Variants in CCNY observed in about 807,000 individuals in gnomAD.
The protein encoded by CCNY is cyclin-Y.
Under a neutral mutation model 42.8 loss-of-function variants are expected in CCNY, and 19 were observed. The ratio of observed to expected loss-of-function variants is 0.44; its 90% CI spans 0.31 to 0.65. The LOEUF is 0.65. Among genes scored for constraint, CCNY ranks in the 30% least tolerant of loss-of-function variants. The pLI, the probability that CCNY is intolerant of heterozygous loss-of-function variation, is 0.07. For missense variants in CCNY, 370 were observed against 437.3 expected (o/e 0.85, Z 1.37); for synonymous variants, 165 against 162.7 (o/e 1.01, Z -0.11).
chr10:35,459,256 T>G (rs899441382), intron 1 of CCNY, among the ~76,000 whole-genome samples: 17 of 152,298 alleles, frequency 1.1e-4, no homozygotes, highest in Admixed American at 1.0e-3. Context: ...CGCTGCTGTC[T>G]GAGAGGCCAC....
intron 2 of CCNY, among the ~76,000 whole-genome samples, chr10:35,486,593 T>C (rs1296146548): frequency 1.3e-5 from 2 of 152,208 alleles, no homozygotes; most frequent in Non-Finnish European, 2.9e-5. Flanking sequence ...GTGAATCAGA[T>C]ACGATTGTGC....
intron 1 of CCNY, among the ~76,000 whole-genome samples, chr10:35,365,601 C>T (rs1836792459): frequency 6.6e-6 from 1 of 152,170 alleles, no homozygotes; most frequent in Admixed American, 6.5e-5. Context: ...TTGAGATTGT[C>T]ACTTCTTTCC....
At chr10:35,533,544 C>G (rs572312706) in intron 7 of CCNY, among the ~76,000 whole-genome samples, 1 of 152,278 alleles carries the variant, frequency 6.6e-6, no homozygotes, top group Admixed American at 6.5e-5. Flanking sequence ...GCACCCAGCT[C>G]CCTCTGTCCC....
At chr10:35,292,606 C>G (rs1835426068) in intron 3 of CCNY, among the ~76,000 whole-genome samples, 1 of 151,916 alleles carries the variant, frequency 6.6e-6, no homozygotes, top group African/African-American at 2.4e-5. Context: ...GGTGATCCAC[C>G]CTCCTCAGCC....
At chr10:35,275,245 T>C (rs1835224548) in intron 3 of CCNY, among the ~76,000 whole-genome samples, 1 of 151,448 alleles carries the variant, frequency 6.6e-6, no homozygotes, top group Non-Finnish European at 1.5e-5. Flanking sequence ...TTTGTGTTTT[T>C]AGTAGAGATG....
At chr10:35,551,466 A>G (rs969414553) in intron 7 of CCNY, among the ~76,000 whole-genome samples, 10 of 152,236 alleles carry the variant, frequency 6.6e-5, no homozygotes, top group Admixed American at 5.9e-4. Flanking sequence ...GTGAATAATT[A>G]TAACATTAAT....
At chr10:35,510,648 G>T (rs886839563) in intron 3 of CCNY, among the ~76,000 whole-genome samples, 2 of 152,204 alleles carry the variant, frequency 1.3e-5, no homozygotes, top group African/African-American at 4.8e-5. Flanking sequence ...TTCAGTTCAT[G>T]TACGTGCTAG....
At chr10:35,422,418 C>T (rs1345226333) in intron 1 of CCNY, among the ~76,000 whole-genome samples, 1 of 152,190 alleles carries the variant, frequency 6.6e-6, no homozygotes, top group Non-Finnish European at 1.5e-5. Context: ...GTGGCCTTGT[C>T]TAAGCTCTGT....
chr10:35,248,852 G>T (rs527550862), intron 2 of CCNY, among the ~76,000 whole-genome samples: 87 of 152,162 alleles, frequency 5.7e-4, no homozygotes, highest in African/African-American at 2.1e-3. Context: ...AAAAGAAAAA[G>T]AAAATCAAAC....
intron 3 of CCNY, among the ~76,000 whole-genome samples, chr10:35,283,271 T>C (rs931967663): frequency 6.6e-6 from 1 of 152,144 alleles, no homozygotes; most frequent in African/African-American, 2.4e-5. Flanking sequence ...ATTCAGTGTA[T>C]AGAAGATGAG....
chr10:35,455,071 C>T (rs115637679), intron 1 of CCNY, among the ~76,000 whole-genome samples: 148 of 152,282 alleles, frequency 9.7e-4, no homozygotes, highest in African/African-American at 3.3e-3. Flanking sequence ...TACTGCCTCC[C>T]CTCACCAGGT....
chr10:35,345,838 T>C (rs1490535770), intron 1 of CCNY, among the ~76,000 whole-genome samples: 1 of 152,192 alleles, frequency 6.6e-6, no homozygotes, highest in African/African-American at 2.4e-5. Flanking sequence ...ATAGAAATAC[T>C]ATTTCTCAGA....
At chr10:35,396,842 C>T (rs1837537545) in intron 1 of CCNY, among the ~76,000 whole-genome samples, 1 of 152,234 alleles carries the variant, frequency 6.6e-6, no homozygotes, top group South Asian at 2.1e-4. Flanking sequence ...GAGGCGCAGA[C>T]TGTTCAGGCA....
chr10:35,381,997 A>T (rs531304238), intron 1 of CCNY, among the ~76,000 whole-genome samples: 137 of 152,336 alleles, frequency 9.0e-4, no homozygotes, highest in Non-Finnish European at 1.7e-3. Context: ...AAATCAAGAA[A>T]ATAATAGTTA....
intron 1 of CCNY, among the ~76,000 whole-genome samples, chr10:35,366,781 C>T (rs1449751841): frequency 3.3e-5 from 5 of 152,200 alleles, no homozygotes; most frequent in Admixed American, 6.5e-5. Flanking sequence ...TCACTAGCCA[C>T]GTGTGGCAGT....
chr10:35,428,357 T>C (rs1417347637), intron 1 of CCNY, among the ~76,000 whole-genome samples: 1 of 151,936 alleles, frequency 6.6e-6, no homozygotes, highest in Non-Finnish European at 1.5e-5. Context: ...GGGTGTATAG[T>C]GGTGGTAGGG....
chr10:35,547,799 A>C (rs1266052322), intron 7 of CCNY, among the ~76,000 whole-genome samples: 2 of 152,114 alleles, frequency 1.3e-5, no homozygotes, highest in African/African-American at 4.8e-5. Context: ...GATGCTGCAC[A>C]TACTGGGGAT....
At chr10:35,340,867 A>T (rs1394919312) in intron 1 of CCNY, among the ~76,000 whole-genome samples, 1 of 152,046 alleles carries the variant, frequency 6.6e-6, no homozygotes, top group Non-Finnish European at 1.5e-5. Flanking sequence ...CTCGTCCTGT[A>T]TCATATCTGG....
intron 3 of CCNY, among the ~76,000 whole-genome samples, chr10:35,255,325 C>CT (rs71033387): frequency 0.25 from 35,134 of 140,350 alleles, 5,017 homozygotes; most frequent in African/African-American, 0.38. Context: ...TAATTTTTTT[C>CT]TTTTTTTTTT....
Sources: gnomAD v4.1 joint callset for allele counts (sites outside exome capture counted in the v4.1 genomes callset) on GRCh38, gnomAD v4.1.1 for gene constraint, MANE v1.5 for transcripts, NCBI Gene and HGNC (gene_info 2026-07-23, HGNC 2026-07-21) for gene names.